RPRD1A: variants seen among roughly 807,000 people sequenced by gnomAD.
The protein encoded by RPRD1A is regulation of nuclear pre-mRNA domain-containing protein 1A.
A neutral mutation model predicts 37.8 loss-of-function variants in RPRD1A; 9 were observed. That is an observed-to-expected ratio of 0.24 (90% CI 0.14 to 0.42). RPRD1A has a LOEUF of 0.42. RPRD1A is among the 10% of genes least tolerant of loss of function. RPRD1A has a pLI of 1.00. For missense variants in RPRD1A, 255 were observed against 371.0 expected, an observed-to-expected ratio of 0.69 and a Z score of 2.57; for synonymous variants, 138 against 139.7, an observed-to-expected ratio of 0.99 and a Z score of 0.08.
chr18:36,007,217 C>T (rs976488712), intron 6 of RPRD1A, among the ~76,000 whole-genome samples: 2 of 152,156 alleles, frequency 1.3e-5, no homozygotes, highest in South Asian at 2.1e-4. Flanking sequence ...ACTGTTAATC[C>T]TGAATGGCTT....
At chr18:36,026,374 G>A (rs552321146) in intron 6 of RPRD1A, 6 of 152,528 alleles carry the variant, frequency 3.9e-5, no homozygotes, top group South Asian at 4.1e-4. Flanking sequence ...TGTACTCCCA[G>A]ATTTCTCATT....
rs552760538 is a variant in RPRD1A, at chr18:36,018,290, T to TTA, written c.789+8609_789+8610insTA. On this transcript the variant is annotated intron_variant, in intron 6 of 6. Transcript: ENST00000399022. ...AAGTTACACTTTTTTTTTTTTTTTTTAAAGAAGGAGTCTCGCTCTGTCGCC... is the reference window on the plus strand; with the variant it reads ...AAGTTACACTTTTTTTTTTTTTTTTTTAAAAGAAGGAGTCTCGCTCTGTCGCC... Among the ~76,000 whole-genome samples the TTA allele has an allele frequency of 1.6e-3, 245 of 148,710 alleles. 2 individuals are homozygous for TTA. In the South Asian group the frequency reaches 0.017, roughly 10 times the overall value.
chr18:36,056,221 G>C (rs948374557), intron 1 of RPRD1A, among the ~76,000 whole-genome samples: 2 of 151,876 alleles, frequency 1.3e-5, no homozygotes, highest in Admixed American at 6.6e-5. Flanking sequence ...ATTCTGGGTA[G>C]AGAAATGGTT....
chr18:36,029,762 T>G (rs1361006408), intron 4 of RPRD1A, among the ~76,000 whole-genome samples: 1 of 152,090 alleles, frequency 6.6e-6, no homozygotes, highest in Non-Finnish European at 1.5e-5. Context: ...CATAGTTCTA[T>G]ATAGTTACAA....
chr18:36,066,169 G>A (rs2089026009), intron 1 of RPRD1A, among the ~76,000 whole-genome samples: 1 of 149,062 alleles, frequency 6.7e-6, no homozygotes, highest in Non-Finnish European at 1.5e-5. Flanking sequence ...TGAAAAACAA[G>A]GCTGTAAATC....
intron 6 of RPRD1A, among the ~76,000 whole-genome samples, chr18:35,995,293 C>T (rs1363450346): frequency 2.1e-4 from 12 of 57,498 alleles, no homozygotes; most frequent in African/African-American, 7.5e-4. Context: ...GACGGAGTTT[C>T]GCTTTTGTTG....
intron 1 of RPRD1A, among the ~76,000 whole-genome samples, chr18:36,041,397 C>A (rs991833713): frequency 3.9e-5 from 6 of 152,122 alleles, no homozygotes; most frequent in Non-Finnish European, 5.9e-5. Flanking sequence ...CCACAGCAGG[C>A]CTATCTCCAA....
At chr18:36,003,449 G>T (rs1436499790) in intron 6 of RPRD1A, among the ~76,000 whole-genome samples, 1 of 152,144 alleles carries the variant, frequency 6.6e-6, no homozygotes, top group Admixed American at 6.5e-5. Context: ...AAATGTTTAG[G>T]CAAAGAAAGG....
chr18:36,024,924 A>G (rs1271773802), intron 6 of RPRD1A: 1 of 152,246 alleles, frequency 6.6e-6, no homozygotes, highest in South Asian at 2.1e-4. Context: ...CTGTACTTGT[A>G]AAGAGTATTT....
chr18:36,065,506 G>C (rs140071560), intron 1 of RPRD1A, among the ~76,000 whole-genome samples: 1,525 of 152,210 alleles, frequency 0.01, 14 homozygotes, highest in South Asian at 0.035. Context: ...ATGTTGCACA[G>C]GCAGGGTCTC....
At chr18:36,030,719 C>A in intron 4 of RPRD1A, 89 bp downstream of exon 4, 3 of 740,638 alleles carry the variant, frequency 4.1e-6, no homozygotes, top group East Asian at 2.6e-5. Flanking sequence ...TAATAGAAAT[C>A]AATTTACAGA....
intron 6 of RPRD1A, among the ~76,000 whole-genome samples, chr18:36,008,069 A>C (rs541948972): frequency 2.0e-3 from 300 of 152,104 alleles, no homozygotes; most frequent in African/African-American, 7.1e-3. Context: ...TAGAAAGACT[A>C]TCTCTAGAAA....
rs1457674699 is a variant in RPRD1A at position 36,040,767 on chromosome 18, G to C, written c.152-6930C>G. ...AAAAATTTCTAAGCTTTTTAGGCAA[G>C]TGGTACTTACATAGAAGAAAAGTGT... On this transcript the variant is annotated intron_variant, in intron 1 of 6. Transcript: ENST00000399022. 1.2e-4 allele frequency: 153 copies of C among 1,239,934 alleles called. 1 individual carries two copies. The East Asian group carries it at 4.1e-3, about 33-fold the overall frequency. 76.8% of individuals were successfully genotyped at this position (1,239,934 alleles called of 1,614,324 possible).
At chr18:36,024,593 T>C (rs887308360) in intron 6 of RPRD1A, among the ~76,000 whole-genome samples, 13 of 152,194 alleles carry the variant, frequency 8.5e-5, no homozygotes, top group African/African-American at 3.1e-4. Context: ...CCTTAAGAAA[T>C]ATGAAATGGC....
chr18:36,027,299 G>C lies in RPRD1A; in HGVS notation c.498C>G (p.Leu166=). Reference sequence around the variant, plus strand: ...TTTCCAGATCTTGTAATGCTCTAACGAGATCTAGAGTCTAAAAAGTACACA... The same window carrying C: ...TTTCCAGATCTTGTAATGCTCTAACCAGATCTAGAGTCTAAAAAGTACACA... The part of the protein sequence containing the change: ...SPSEPPQTLD[L]VRALQDLENA... Residue 166 remains leucine (L), a synonymous_variant, in exon 5 of 7, where the codon CTC becomes CTG. Coordinates refer to ENST00000399022, the MANE Select transcript of RPRD1A (RefSeq NM_018170.5). 1 of 1,613,670 alleles carries C rather than the reference G, an allele frequency of 6.2e-7. No individual in the cohort carries two copies. Among genetic ancestry groups the C allele is most frequent in the Non-Finnish European group, 8.5e-7 (1 of 1,179,728 alleles).
At chr18:36,055,610 G>A (rs1304829964) in intron 1 of RPRD1A, among the ~76,000 whole-genome samples, 3 of 152,032 alleles carry the variant, frequency 2.0e-5, no homozygotes, top group East Asian at 1.9e-4. Flanking sequence ...TTATAAAGAC[G>A]TACATTCTTT....
chr18:36,018,736 A>T (rs1328989274), intron 6 of RPRD1A, among the ~76,000 whole-genome samples: 1 of 152,198 alleles, frequency 6.6e-6, no homozygotes, highest in Non-Finnish European at 1.5e-5. Context: ...GCACATGAAA[A>T]CTAAGTATAT....
At chr18:36,047,554 A>T (rs1913046275) in intron 1 of RPRD1A, among the ~76,000 whole-genome samples, 1 of 152,208 alleles carries the variant, frequency 6.6e-6, no homozygotes, top group East Asian at 1.9e-4. Context: ...GTTATTTGAA[A>T]AGAACAATAC....
At chr18:36,023,878 G>A (rs950341719) in intron 6 of RPRD1A, among the ~76,000 whole-genome samples, 1 of 152,162 alleles carries the variant, frequency 6.6e-6, no homozygotes, top group Non-Finnish European at 1.5e-5. Flanking sequence ...CTAATGCTTA[G>A]ACAACAGTAA....
Sources: allele counts gnomAD v4.1 joint callset (sites outside exome capture counted in the v4.1 genomes callset), GRCh38; gene constraint gnomAD v4.1.1; transcripts MANE v1.5; gene names NCBI Gene and HGNC (gene_info 2026-07-23, HGNC 2026-07-21).